Variants in DOCK4 observed in about 807,000 individuals in gnomAD.
The protein encoded by DOCK4 is dedicator of cytokinesis protein 4.
Under a neutral mutation model 268.1 loss-of-function variants are expected in DOCK4, and 97 were observed. The ratio of observed to expected loss-of-function variants is 0.36; its 90% confidence interval spans 0.31 to 0.43. The LOEUF is 0.43. Among genes scored for constraint, DOCK4 ranks in the 20% least tolerant of loss-of-function variants. The pLI, the probability that DOCK4 is intolerant of heterozygous loss-of-function variation, is 1.00. For missense variants in DOCK4, 2,145 were observed against 2,455.7 expected, an observed-to-expected ratio of 0.87 and a Z score of 2.67; for synonymous variants, 954 against 887.2, an observed-to-expected ratio of 1.08 and a Z score of -1.34.
In DOCK4 at chr7:111,844,848, T is replaced by G; in HGVS notation, c.2651A>C (p.Asp884Ala). The G allele has an allele frequency of 6.2e-7, 1 of 1,613,510 alleles. No individual in the cohort carries two copies. The highest frequency in any genetic ancestry group is 8.5e-7 in the Non-Finnish European group (1 of 1,179,650). ...EIDVIVASLLDILLRTILEIT... is the reference protein window; with the variant it reads ...EIDVIVASLLAILLRTILEIT... ...CTCCAATATGGTCCTCAGCAGAATA[T>G]CCAGCAAGCTGGCCACTATCACATC... The change falls in exon 25 of 53, where the codon GAT (aspartate) becomes GCT (alanine). Residue 884 changes from aspartate to alanine, a missense_variant. This residue lies in a region of DOCK4 where 1,598 missense variants were observed against 1,986.7 expected (regional missense o/e 0.80). Transcript: ENST00000428084.
At chr7:111,938,379 A>G (rs1229608847) in intron 11 of DOCK4, among the ~76,000 whole-genome samples, 1 of 152,210 alleles carries the variant, frequency 6.6e-6, no homozygotes, top group Non-Finnish European at 1.5e-5. Context: ...ACCATCACCT[A>G]TGAAAAATCT....
At chr7:111,882,681 C>T (rs10256552) in intron 16 of DOCK4, among the ~76,000 whole-genome samples, 14,726 of 151,360 alleles carry the variant, frequency 0.097, 933 homozygotes, top group African/African-American at 0.18. Context: ...GGTGTGATCT[C>T]GGCTCACCAC....
rs910774331 is a variant in DOCK4 at position 111,896,009 on chromosome 7, G to T, written c.1481-291C>A. Among the ~76,000 whole-genome samples, 3 of 152,168 alleles carry T rather than the reference G, an allele frequency of 2.0e-5. No homozygotes were observed. The East Asian group carries it at 5.8e-4, about 29-fold the overall frequency. On this transcript the variant is annotated intron_variant, in intron 15 of 52. Transcript: ENST00000428084. ...GCCTGTTTCTTCTTTTTACCCCAAA[G>T]TCCCATTGAGGGCAGGGGTCTTATC... is the stretch of plus-strand genomic sequence containing the variant.
chr7:112,036,941 G>A (rs987528651), intron 1 of DOCK4, among the ~76,000 whole-genome samples: 3 of 152,090 alleles, frequency 2.0e-5, no homozygotes, highest in Admixed American at 6.6e-5. Flanking sequence ...GATTACAAGC[G>A]TGAGCCACCG....
At chr7:111,991,616 A>G (rs1799530475) in intron 5 of DOCK4, among the ~76,000 whole-genome samples, 1 of 152,118 alleles carries the variant, frequency 6.6e-6, no homozygotes, top group Non-Finnish European at 1.5e-5. Context: ...ATTTAGATTC[A>G]GGCTTCAGCA....
At chr7:111,864,478 C>T (rs1021708488) in intron 22 of DOCK4, among the ~76,000 whole-genome samples, 4 of 152,150 alleles carry the variant, frequency 2.6e-5, no homozygotes, top group African/African-American at 9.7e-5. Context: ...TGCTAGTTGG[C>T]GTACCAATGA....
chr7:112,003,306 T>C (rs1266854477), intron 2 of DOCK4, among the ~76,000 whole-genome samples: 1 of 152,074 alleles, frequency 6.6e-6, no homozygotes, highest in Non-Finnish European at 1.5e-5. Flanking sequence ...GAGGATCCCT[T>C]GAGCCCAGGA....
intron 1 of DOCK4, among the ~76,000 whole-genome samples, chr7:112,044,507 T>C (rs1804660881): frequency 2.0e-5 from 3 of 152,198 alleles, no homozygotes; most frequent in Non-Finnish European, 2.9e-5. Flanking sequence ...TAAATTTTTA[T>C]CTTTAGCCCA....
intron 13 of DOCK4, among the ~76,000 whole-genome samples, chr7:111,911,775 C>CT: frequency 6.6e-6 from 1 of 152,064 alleles, no homozygotes; most frequent in East Asian, 1.9e-4. Context: ...CTGAGGAATT[C>CT]TTCCAGCAGC....
chr7:111,932,637 T>C lies in DOCK4; in HGVS notation c.1066+2903A>G, dbSNP rs115478680. ...AAGTAAAAAAAAAAATTTAATAGCA[T>C]ACATTATTTATCCCAATATATCCAA... is the stretch of plus-strand genomic sequence containing the variant. On this transcript the variant is annotated intron_variant, in intron 12 of 52. Coordinates refer to ENST00000428084, the MANE Select transcript of DOCK4 (RefSeq NM_001363540.2). Among the ~76,000 whole-genome samples, 948 of 152,242 alleles carry C rather than the reference T, an allele frequency of 6.2e-3. 13 individuals carry two copies. Among genetic ancestry groups the C allele is most frequent in the African/African-American group, 0.022 (912 of 41,552 alleles).
intron 1 of DOCK4, among the ~76,000 whole-genome samples, chr7:112,193,335 C>T (rs1296106417): frequency 1.3e-5 from 2 of 150,302 alleles, no homozygotes; most frequent in East Asian, 2.1e-4. Flanking sequence ...GTCGTTTATA[C>T]TTGTAATCCT....
chr7:111,854,184 T>C (rs1211819381), intron 23 of DOCK4, among the ~76,000 whole-genome samples: 1 of 152,154 alleles, frequency 6.6e-6, no homozygotes, highest in Non-Finnish European at 1.5e-5. Context: ...AAATGAAAAT[T>C]AAAAGGCAGA....
chr7:111,823,650 C>T (rs1455458162), intron 26 of DOCK4, among the ~76,000 whole-genome samples: 1 of 152,218 alleles, frequency 6.6e-6, no homozygotes, highest in Non-Finnish European at 1.5e-5. Flanking sequence ...TTAGCTCAAT[C>T]TAGCTTTGAT....
intron 25 of DOCK4, chr7:111,840,891 A>C: frequency 7.8e-7 from 1 of 1,284,798 alleles, no homozygotes; most frequent in South Asian, 1.2e-5. Flanking sequence ...ATGATAAAGA[A>C]ATTCAACAGA....
At chr7:111,800,079 T>C (rs1452949549) in intron 30 of DOCK4, among the ~76,000 whole-genome samples, 1 of 152,188 alleles carries the variant, frequency 6.6e-6, no homozygotes, top group Admixed American at 6.5e-5. Context: ...GGATAAAAAG[T>C]AAGTATAAAA....
At chr7:112,061,805 T>C (rs1164589390) in intron 1 of DOCK4, among the ~76,000 whole-genome samples, 2 of 149,992 alleles carry the variant, frequency 1.3e-5, no homozygotes, top group African/African-American at 4.9e-5. Flanking sequence ...GTTTTAAAAA[T>C]GTCAACAGGT....
intron 1 of DOCK4, among the ~76,000 whole-genome samples, chr7:112,125,050 A>C (rs1388739964): frequency 1.3e-5 from 2 of 152,226 alleles, no homozygotes; most frequent in African/African-American, 2.4e-5. Flanking sequence ...GAGTTAACCA[A>C]GGCCTCACTG....
intron 30 of DOCK4, among the ~76,000 whole-genome samples, chr7:111,791,901 C>T (rs903949893): frequency 3.3e-5 from 5 of 152,150 alleles, no homozygotes; most frequent in African/African-American, 7.2e-5. Context: ...AATAAATACA[C>T]AACTTACATA....
At position 112,140,095 on chromosome 7, in the gene DOCK4, G is replaced by A. The variant is rs139984899; in HGVS notation, c.37+66007C>T. Among the ~76,000 whole-genome samples, 12 of 152,254 alleles carry A rather than the reference G, an allele frequency of 7.9e-5. No individual in the cohort carries two copies. In the East Asian group the frequency reaches 2.1e-3, roughly 27 times the overall value. ...CAAGATGGAACAACACAGGTCCCAG[G>A]TCTAGATTCATGGCTTTTCCCTCCC... On this transcript the variant is annotated intron_variant, in intron 1 of 52. Coordinates refer to ENST00000428084, the MANE Select transcript of DOCK4 (RefSeq NM_001363540.2).
Sources: allele counts gnomAD v4.1 joint callset (sites outside exome capture counted in the v4.1 genomes callset), GRCh38; gene constraint gnomAD v4.1.1; regional missense constraint gnomAD v4.1.1; transcripts MANE v1.5; gene names NCBI Gene and HGNC (gene_info 2026-07-23, HGNC 2026-07-21).